Variants in CACNA2D2 observed in about 807,000 individuals in gnomAD.
CACNA2D2 encodes the protein calcium voltage-gated channel auxiliary subunit alpha2delta 2, also known as voltage-dependent calcium channel subunit alpha-2/delta-2.
CACNA2D2 carries 48 observed loss-of-function variants against 166.4 expected under a neutral mutation model. The observed-to-expected ratio is 0.29, with a 90% CI of 0.23 to 0.37. CACNA2D2 has a LOEUF of 0.37. Ranked by LOEUF, CACNA2D2 falls within the 10% of genes least tolerant of loss-of-function variation. CACNA2D2 has a pLI of 1.00. For missense variants in CACNA2D2, 1,122 were observed against 1,433.0 expected (o/e 0.78, Z 3.50); for synonymous variants, 561 against 573.7 (o/e 0.98, Z 0.32).
At chr3:50,443,409 C>T (rs184645408) in intron 2 of CACNA2D2, among the ~76,000 whole-genome samples, 132 of 152,342 alleles carry the variant, frequency 8.7e-4, no homozygotes, top group Admixed American at 2.0e-3. Flanking sequence ...CAGCGCATAA[C>T]CCATGGAGTC....
rs144099827 is a variant in CACNA2D2, at chr3:50,387,576, C to T, written c.502G>A (p.Ala168Thr). 7.5e-5 allele frequency: 121 copies of T among 1,613,804 alleles called. No individual in the cohort carries two copies. In the East Asian group the frequency reaches 2.4e-3, roughly 31 times the overall value. The change falls in exon 5 of 38, where the codon GCT (alanine) becomes ACT (threonine). Residue 168 changes from alanine (A) to threonine (T), a missense_variant. This residue lies in a region of CACNA2D2 where 840 missense variants were observed against 1,166.8 expected (regional missense o/e 0.72). Coordinates refer to ENST00000424201, the MANE Select transcript of CACNA2D2 (RefSeq NM_006030.4). ...DIVYYDAKAD[A>T]ELDDPESEDV... Reference sequence around the variant, plus strand: ...CAGGAGGGGGTGCTCACCAGCTCAGCGTCAGCCTTGGCGTCATAGTACACG... The same window carrying T: ...CAGGAGGGGGTGCTCACCAGCTCAGTGTCAGCCTTGGCGTCATAGTACACG...
intron 3 of CACNA2D2, among the ~76,000 whole-genome samples, chr3:50,409,082 C>T (rs1211864939): frequency 1.3e-5 from 2 of 152,248 alleles, no homozygotes; most frequent in African/African-American, 4.8e-5. Flanking sequence ...GATGGATCCA[C>T]ACTGGATTCA....
At chr3:50,469,218 G>A (rs1350339872) in intron 2 of CACNA2D2, among the ~76,000 whole-genome samples, 1 of 152,082 alleles carries the variant, frequency 6.6e-6, no homozygotes, top group Non-Finnish European at 1.5e-5. Flanking sequence ...GTCTTCCGGG[G>A]TATAGGGGCC....
In CACNA2D2 at chr3:50,467,575, G is replaced by A. The variant is rs550252301; in HGVS notation, c.288+8543C>T. On this transcript the variant is annotated intron_variant, in intron 2 of 37. Coordinates refer to ENST00000424201, the MANE Select transcript of CACNA2D2 (RefSeq NM_006030.4). Reference sequence around the variant, plus strand: ...CACAGGCATACGTACACACCTGCCCGCCTGCGTGTGTGCATAGCCTGCCTC... The same window carrying A: ...CACAGGCATACGTACACACCTGCCCACCTGCGTGTGTGCATAGCCTGCCTC... Among the ~76,000 whole-genome samples the A allele has an allele frequency of 2.1e-3, 318 of 152,252 alleles. 1 individual carries two copies. Among genetic ancestry groups the A allele is most frequent in the African/African-American group, 6.5e-3 (270 of 41,528 alleles).
intron 3 of CACNA2D2, among the ~76,000 whole-genome samples, chr3:50,429,693 C>A (rs1195494216): frequency 2.6e-5 from 4 of 151,438 alleles, no homozygotes; most frequent in South Asian, 4.2e-4. Flanking sequence ...TGGCGTGAAC[C>A]CGGGAGGCGG....
At chr3:50,457,983 C>T (rs1390249502) in intron 2 of CACNA2D2, among the ~76,000 whole-genome samples, 2 of 152,142 alleles carry the variant, frequency 1.3e-5, no homozygotes, top group Non-Finnish European at 2.9e-5. Flanking sequence ...GGAGCTGCCC[C>T]AAAGGGATGA....
intron 1 of CACNA2D2, among the ~76,000 whole-genome samples, chr3:50,496,418 A>G (rs2107178200): frequency 6.6e-6 from 1 of 152,364 alleles, no homozygotes; most frequent in African/African-American, 2.4e-5. Flanking sequence ...ATGAACACAC[A>G]GGTGTAGACA....
chr3:50,470,454 C>A (rs1218151634), intron 2 of CACNA2D2, among the ~76,000 whole-genome samples: 1 of 152,138 alleles, frequency 6.6e-6, no homozygotes, highest in South Asian at 2.1e-4. Context: ...CTGATGAGGG[C>A]GTGTGGAAGG....
chr3:50,441,774 G>A (rs999192370), intron 2 of CACNA2D2, among the ~76,000 whole-genome samples: 4 of 152,282 alleles, frequency 2.6e-5, no homozygotes, highest in Admixed American at 1.3e-4. Flanking sequence ...TATCTCAGGG[G>A]AGAACAGTCC....
rs1216962148 is a variant in CACNA2D2, at chr3:50,380,514, ATCTC to A, written c.842+230_842+233del. Among the ~76,000 whole-genome samples, 2 of 152,048 alleles carry A rather than the reference ATCTC, an allele frequency of 1.3e-5. No homozygotes were observed. Among genetic ancestry groups the A allele is most frequent in the Non-Finnish European group, 2.9e-5 (2 of 67,994 alleles). On this transcript the variant is annotated intron_variant, in intron 8 of 37. Transcript: ENST00000424201. This position sits in a 1 kb window ranked among gnomAD's most constrained non-coding sequence, Gnocchi z 4.9. The stretch of plus-strand genomic sequence containing the variant: ...CCCTTCTGGTCCAATCTCCCTTCCA[ATCTC>A]TCAGTCCTGAGTGGGTGGGGGTGCT...
chr3:50,379,530 T>G lies in CACNA2D2; in HGVS notation c.1054A>C (p.Asn352His), dbSNP rs754629864. 1 of 1,614,030 alleles carries G rather than the reference T, an allele frequency of 6.2e-7. No individual in the cohort carries two copies. Among genetic ancestry groups the G allele is most frequent in the Non-Finnish European group, 8.5e-7 (1 of 1,180,036 alleles). ...ACAGCTTCCTTGAACACCTTCTTGTTGCGCACATTGGCCTGCACCAGGTGT... is the reference window on the plus strand; with the variant it reads ...ACAGCTTCCTTGAACACCTTCTTGTGGCGCACATTGGCCTGCACCAGGTGT... ...FTHLVQANVRNKKVFKEAVQG... is the reference protein window; with the variant it reads ...FTHLVQANVRHKKVFKEAVQG... The change falls in exon 11 of 38, where the codon AAC (asparagine) becomes CAC (histidine). Residue 352 changes from asparagine to histidine, a missense_variant. By Grantham distance (68) the Asn-to-His change is moderately conservative. This residue lies in a region of CACNA2D2 where 840 missense variants were observed against 1,166.8 expected (regional missense o/e 0.72). Transcript: ENST00000424201. This position sits in a 1 kb window ranked among gnomAD's most constrained non-coding sequence, Gnocchi z 6.5.
upstream of CACNA2D2, among the ~76,000 whole-genome samples, chr3:50,503,836 G>GC (rs1267016569): frequency 6.6e-6 from 1 of 151,204 alleles, no homozygotes; most frequent in African/African-American, 2.4e-5. Flanking sequence ...GGCGTCCTGC[G>GC]CCCCAGCTGC....
intron 6 of CACNA2D2, among the ~76,000 whole-genome samples, chr3:50,383,203 C>A (rs1156643175): frequency 1.3e-5 from 2 of 152,190 alleles, no homozygotes; most frequent in African/African-American, 2.4e-5. Flanking sequence ...GGCAGGTGGC[C>A]TGCGGGCAGC....
intron 3 of CACNA2D2, among the ~76,000 whole-genome samples, chr3:50,406,716 C>T (rs771544045): frequency 3.3e-5 from 5 of 151,778 alleles, no homozygotes; most frequent in Non-Finnish European, 7.3e-5. Context: ...TCATCTACCA[C>T]CATCAACTCT....
chr3:50,426,068 A>C (rs1189654453), intron 3 of CACNA2D2, among the ~76,000 whole-genome samples: 1 of 152,002 alleles, frequency 6.6e-6, no homozygotes, highest in Non-Finnish European at 1.5e-5. Context: ...CCTTTGCCCC[A>C]GTCAGCACCA....
rs143159818 is a variant in CACNA2D2 at position 50,363,469 on chromosome 3, T to TGTGTGTGCATAGAGC, written c.*1196_*1197insGCTCTATGCACACAC. On this transcript the variant is annotated 3_prime_UTR_variant, in exon 38 of 38. Coordinates refer to ENST00000424201, the MANE Select transcript of CACNA2D2 (RefSeq NM_006030.4). ...AAGAGCTGTGCCCAGTCCCCACCTG[T>TGTGTGTGCATAGAGC]GTGTGTGTGTGTGTGTGTGTGTTCA... 1.9e-3 allele frequency: 484 copies of TGTGTGTGCATAGAGC among 260,910 alleles called. 3 individuals are homozygous for TGTGTGTGCATAGAGC. The highest frequency in any genetic ancestry group is 0.01 in the African/African-American group (429 of 41,810). 16.2% of individuals were successfully genotyped at this position (260,910 alleles called of 1,614,324 possible).
intron 1 of CACNA2D2, among the ~76,000 whole-genome samples, chr3:50,477,087 G>A (rs1318130843): frequency 6.6e-6 from 1 of 152,006 alleles, no homozygotes; most frequent in Non-Finnish European, 1.5e-5. Context: ...CCGCCACCAC[G>A]CCTGGCTATT....
At chr3:50,412,982 C>T (rs1279827289) in intron 3 of CACNA2D2, among the ~76,000 whole-genome samples, 2 of 152,180 alleles carry the variant, frequency 1.3e-5, no homozygotes, top group Non-Finnish European at 2.9e-5. Flanking sequence ...AGGGAGAGGC[C>T]GAGTCTCCAT....
rs1213545831 is a variant in CACNA2D2 at position 50,375,229 on chromosome 3, A to G, written c.1907+415T>C. On this transcript the variant is annotated intron_variant, in intron 21 of 37. Transcript: ENST00000424201. The surrounding 1 kb of genome is among the most constrained non-coding windows in gnomAD (Gnocchi z 4.0). Reference sequence around the variant, plus strand: ...AGCAGAAAGCAGGGCTGGCGCAGATATGGTGGGGGCAGGGGGTGGCAGTTG... The same window carrying G: ...AGCAGAAAGCAGGGCTGGCGCAGATGTGGTGGGGGCAGGGGGTGGCAGTTG... 6.6e-6 allele frequency among the ~76,000 whole-genome samples: 1 copy of G among 152,152 alleles called. No individual in the cohort carries two copies. The highest frequency in any genetic ancestry group is 1.5e-5 in the Non-Finnish European group (1 of 68,006).
Sources: gnomAD v4.1 joint callset for allele counts (sites outside exome capture counted in the v4.1 genomes callset) on GRCh38, gnomAD v4.1.1 for gene constraint, gnomAD v4.1.1 regional missense constraint, Gnocchi (gnomAD v3.1) non-coding constraint, MANE v1.5 for transcripts, NCBI Gene and HGNC (gene_info 2026-07-23, HGNC 2026-07-21) for gene names.